Variants in LRRC53 observed in about 807,000 individuals in gnomAD.
LRRC53 encodes leucine-rich repeat-containing protein 53.
Under a neutral mutation model 13.6 loss-of-function variants are expected in LRRC53, and 25 were observed. The ratio of observed to expected loss-of-function variants is 1.83; its 90% confidence interval spans 1.34 to 2.56. The LOEUF is 2.56. Among genes scored for constraint, LRRC53 ranks in the 30% most tolerant of loss-of-function variants. The pLI, the probability that LRRC53 is intolerant of heterozygous loss-of-function variation, is 0.00. For synonymous variants in LRRC53, 204 were observed against 109.8 expected (o/e 1.86, Z -5.37); for missense variants, 527 against 275.8 (o/e 1.91, Z -6.45).
rs1667837133 is a variant in LRRC53, at chr1:74,469,834, A to G, written c.*44T>C. On this transcript the variant is annotated 3_prime_UTR_variant, in exon 5 of 5. Transcript: ENST00000294635. ...AGTGGGTGTTTGTCCTCTTGAAGAA[A>G]GCTAAAGTAGAAAAGGATTATTATT... 2.5e-6 allele frequency: 1 copy of G among 400,176 alleles called. No individual in the cohort carries two copies. The highest frequency in any genetic ancestry group is 4.4e-5 in the Admixed American group (1 of 22,738). 24.8% of individuals were successfully genotyped at this position (400,176 alleles called of 1,614,324 possible). A position where few individuals can be genotyped will look rare whatever the true frequency, so the allele number is the denominator to read the frequency against.
At chr1:74,530,142 G>A in the LRRC53 span, among the ~76,000 whole-genome samples, 1,587 of 152,178 alleles carry the variant, frequency 0.01, 16 homozygotes, top group Non-Finnish European at 0.017. Context: ...AGGTGTCTAC[G>A]TTTCTATTTA....
chr1:74,527,823 T>C, the LRRC53 span, among the ~76,000 whole-genome samples: 34 of 152,304 alleles, frequency 2.2e-4, no homozygotes, highest in East Asian at 5.6e-3. Flanking sequence ...TAAGGTGGAC[T>C]TCCCCAATGG....
rs1409951636 is a variant in LRRC53 at position 74,480,531 on chromosome 1, C to T, written c.526G>A (p.Ala176Thr). Reference protein sequence around the residue: ...NNFISYIGKDAFRPLPQLQEV... With the variant: ...NNFISYIGKDTFRPLPQLQEV... ...TGTAGTTGAGGCAGGGGCCGGAAGG[C>T]ATCTTTCCCAATGTAGGAAATAAAA... is the stretch of plus-strand genomic sequence containing the variant. The change falls in exon 3 of 5, where the codon GCC becomes ACC. Residue 176 changes from alanine to threonine, a missense_variant. Ala to Thr is a moderately conservative substitution (Grantham distance 58). Coordinates refer to ENST00000294635, the MANE Select transcript of LRRC53 (RefSeq NM_001382280.1). The T allele has an allele frequency of 2.8e-6, 2 of 717,344 alleles. No individual in the cohort carries two copies. The highest frequency in any genetic ancestry group is 3.5e-5 in the African/African-American group (2 of 57,264). The allele number at this position is 717,344 out of a possible 1,614,324, so 44.4% of individuals were successfully genotyped here.
intron 2 of LRRC53, 31 bp from the exon 3 acceptor site, chr1:74,480,999 G>T: frequency 1.5e-6 from 1 of 676,432 alleles, no homozygotes; most frequent in South Asian, 1.7e-5. Context: ...ACTAGATGCA[G>T]GGTACACATG....
At chr1:74,532,659 T>G in the LRRC53 span, among the ~76,000 whole-genome samples, 1 of 150,556 alleles carries the variant, frequency 6.6e-6, no homozygotes, top group East Asian at 2.0e-4. Flanking sequence ...CAGAGTGTGA[T>G]GTTCCCCTCC....
chr1:74,509,004 C>T (rs532627376), intron 1 of LRRC53, among the ~76,000 whole-genome samples: 33 of 152,304 alleles, frequency 2.2e-4, no homozygotes, highest in Admixed American at 9.2e-4. Flanking sequence ...GTTCTACCCA[C>T]GGATGGATAA....
At chr1:74,516,128 CT>C (rs1201764024), upstream of LRRC53, among the ~76,000 whole-genome samples, 2 of 152,188 alleles carry the variant, frequency 1.3e-5, no homozygotes, top group Non-Finnish European at 2.9e-5. Flanking sequence ...CAAATCATCC[CT>C]GTTCTTATTG....
At chr1:74,490,915 G>A (rs564966094) in intron 1 of LRRC53, among the ~76,000 whole-genome samples, 3 of 152,258 alleles carry the variant, frequency 2.0e-5, no homozygotes, top group African/African-American at 7.2e-5. Flanking sequence ...GTATCAAATG[G>A]TGGAGACCTG....
At chr1:74,521,956 A>G in the LRRC53 span, among the ~76,000 whole-genome samples, 8 of 152,322 alleles carry the variant, frequency 5.3e-5, no homozygotes, top group African/African-American at 1.9e-4. Flanking sequence ...ACTGTTGTTA[A>G]TCTTCTAAAC....
At chr1:74,493,051 T>G (rs1669156857) in intron 1 of LRRC53, among the ~76,000 whole-genome samples, 1 of 152,204 alleles carries the variant, frequency 6.6e-6, no homozygotes. Flanking sequence ...TGACTTCATT[T>G]AACCTTAATT....
rs886261669 is a variant in LRRC53 at position 74,471,659 on chromosome 1, G to A, written c.1963C>T (p.Pro655Ser). The A allele has an allele frequency of 2.5e-6, 1 of 400,696 alleles. No individual in the cohort carries two copies. The highest frequency in any genetic ancestry group is 2.0e-5 in the African/African-American group (1 of 48,782). The allele number at this position is 400,696 out of a possible 1,614,324, so 24.8% of individuals were successfully genotyped here. ...LVEINRSMMS[P>S]KISTPWKRQK... ...CGTTTCCAAGGGGTTGATATTTTGG[G>A]TGACATCATCGACCTATTTATTTCT... is the stretch of plus-strand genomic sequence containing the variant. The change falls in exon 5 of 5, where the codon CCC becomes TCC. Residue 655 changes from proline (P) to serine (S), a missense_variant. Coordinates refer to ENST00000294635, the MANE Select transcript of LRRC53 (RefSeq NM_001382280.1).
Position 74,469,610 on chromosome 1 carries a change from A to T in LRRC53, c.*268T>A. The stretch of plus-strand genomic sequence containing the variant: ...TTTTTCAATGTTTGCTTGCTTTTGC[A>T]AGACTTGGCAAAACTTTTCTTACTT... On this transcript the variant is annotated 3_prime_UTR_variant, in exon 5 of 5. Transcript: ENST00000294635. 3.3e-6 allele frequency: 1 copy of T among 301,804 alleles called. No homozygotes were observed. Among genetic ancestry groups the T allele is most frequent in the Non-Finnish European group, 6.0e-6 (1 of 166,002 alleles). 18.7% of individuals were successfully genotyped at this position (301,804 alleles called of 1,614,324 possible).
chr1:74,506,896 A>C (rs1045056153), intron 1 of LRRC53, among the ~76,000 whole-genome samples: 3 of 152,106 alleles, frequency 2.0e-5, no homozygotes, highest in Non-Finnish European at 4.4e-5. Flanking sequence ...GAAAAGATTT[A>C]TCTATCTTAA....
chr1:74,491,439 G>A (rs530181603), intron 1 of LRRC53, among the ~76,000 whole-genome samples: 5 of 152,098 alleles, frequency 3.3e-5, no homozygotes, highest in East Asian at 1.9e-4. Flanking sequence ...AGATGGTGTC[G>A]ATCTGTTGAC....
intron 1 of LRRC53, among the ~76,000 whole-genome samples, chr1:74,490,707 C>A (rs184546101): frequency 2.0e-5 from 3 of 152,092 alleles, no homozygotes; most frequent in African/African-American, 7.2e-5. Flanking sequence ...TTTCAGTCAA[C>A]GGTTTAGATC....
intron 1 of LRRC53, among the ~76,000 whole-genome samples, chr1:74,493,140 C>A (rs1441867283): frequency 1.3e-5 from 2 of 152,168 alleles, no homozygotes; most frequent in African/African-American, 4.8e-5. Context: ...GAGGGTCACA[C>A]TCCAGTCCAT....
At chr1:74,499,321 A>G (rs548238718) in intron 1 of LRRC53, among the ~76,000 whole-genome samples, 1 of 152,158 alleles carries the variant, frequency 6.6e-6, no homozygotes, top group Non-Finnish European at 1.5e-5. Context: ...TTTAATTTTT[A>G]TTTTTGTAGA....
the LRRC53 span, among the ~76,000 whole-genome samples, chr1:74,530,418 G>T: frequency 6.6e-6 from 1 of 152,156 alleles, no homozygotes; most frequent in Non-Finnish European, 1.5e-5. Flanking sequence ...TATAAAATGA[G>T]TTGTTAGGTG....
the LRRC53 span, among the ~76,000 whole-genome samples, chr1:74,526,994 A>C: frequency 6.6e-6 from 1 of 152,234 alleles, no homozygotes. Flanking sequence ...CAAAGCCTAA[A>C]ATATTTACTG....
Sources: gnomAD v4.1 joint callset for allele counts (sites outside exome capture counted in the v4.1 genomes callset) on GRCh38, gnomAD v4.1.1 for gene constraint, MANE v1.5 for transcripts, NCBI Gene and HGNC (gene_info 2026-07-23, HGNC 2026-07-21) for gene names.